SYNE1: variants seen among roughly 807,000 people sequenced by gnomAD.
SYNE1 encodes the protein nesprin-1.
In SYNE1, 616 loss-of-function variants were observed where a neutral mutation model predicts 1,111.0. The ratio of observed to expected loss-of-function variants is 0.55; its 90% CI spans 0.52 to 0.59. The LOEUF (loss-of-function observed/expected upper bound fraction) is 0.59. Ranked by LOEUF, SYNE1 falls within the 20% of genes least tolerant of loss-of-function variation. The pLI, the probability that SYNE1 is intolerant of heterozygous loss-of-function variation, is 0.00. For missense variants in SYNE1, 10,006 were observed against 10,417.0 expected (o/e 0.96, Z 1.72); for synonymous variants, 3,855 against 3,825.8 (o/e 1.01, Z -0.28).
chr6:152,393,248 GTTT>G (rs1219871746), intron 51 of SYNE1, among the ~76,000 whole-genome samples: 2 of 152,150 alleles, frequency 1.3e-5, no homozygotes, highest in African/African-American at 4.8e-5. Context: ...CTCTAACGCA[GTTT>G]TGGTGTAATG....
chr6:152,143,655 C>T lies in SYNE1; in HGVS notation c.25087G>A (p.Gly8363Arg). The T allele has an allele frequency of 1.9e-6, 3 of 1,614,100 alleles. No individual in the cohort carries two copies. Among genetic ancestry groups the T allele is most frequent in the Non-Finnish European group, 2.5e-6 (3 of 1,180,030 alleles). The change falls in exon 138 of 146, where the codon GGG (glycine) becomes AGG (arginine). Residue 8363 changes from glycine to arginine, a missense_variant. Gly to Arg is a moderately radical substitution (Grantham distance 125). Coordinates refer to ENST00000367255, the MANE Select transcript of SYNE1 (RefSeq NM_182961.4). ...TTGTAGCTGGTGTCTAGCTCCGGCC[C>T]CGTGGGAGTTTTGCTGCGAATGATA... ...ENIIRSKTPT[G>R]PELDTSYKGY...
Position 152,244,755 on chromosome 6 carries a change from T to C in SYNE1, c.19573-99A>G. The C allele has an allele frequency of 3.4e-6, 5 of 1,459,522 alleles. No individual in the cohort carries two copies. The South Asian group carries it at 5.7e-5, about 17-fold the overall frequency. 90.4% of individuals were successfully genotyped at this position (1,459,522 alleles called of 1,614,324 possible). On this transcript the variant is annotated intron_variant, in intron 105 of 145. Coordinates refer to ENST00000367255, the MANE Select transcript of SYNE1 (RefSeq NM_182961.4). ...TCTTTCTGTGTTCCTCCTCTCCATG[T>C]AAAACATTCTCAATATATACAAAAG...
intron 91 of SYNE1, among the ~76,000 whole-genome samples, chr6:152,306,490 A>ATAAATAAC (rs1482050816): frequency 1.9e-5 from 1 of 53,814 alleles, no homozygotes; most frequent in Non-Finnish European, 3.9e-5. Context: ...CATCTAAAAA[A>ATAAATAAC]TAAATAAATA....
intron 3 of SYNE1, among the ~76,000 whole-genome samples, chr6:152,550,283 G>A (rs969413186): frequency 1.6e-4 from 24 of 152,014 alleles, no homozygotes; most frequent in African/African-American, 5.8e-4. Context: ...GGTATAAGTG[G>A]GAGAGGGTGG....
chr6:152,127,881 T>A (rs2054064687), intron 145 of SYNE1: 2 of 152,236 alleles, frequency 1.3e-5, no homozygotes, highest in Admixed American at 1.3e-4. Context: ...GAATACATTT[T>A]TAAATGAGGG....
intron 42 of SYNE1, 86 bp downstream of exon 42, chr6:152,413,266 A>G (rs2098098528): frequency 7.4e-7 from 1 of 1,359,288 alleles, no homozygotes; most frequent in Non-Finnish European, 1.1e-6. Flanking sequence ...TTAACTACTG[A>G]TCACATCAAC....
chr6:152,587,218 C>G (rs773574384), intron 3 of SYNE1, among the ~76,000 whole-genome samples: 5 of 152,036 alleles, frequency 3.3e-5, no homozygotes, highest in Non-Finnish European at 7.4e-5. Flanking sequence ...TCAAGTTTAC[C>G]AATGTTGAAT....
At chr6:152,257,219 GT>G (rs1408962968) in intron 101 of SYNE1, among the ~76,000 whole-genome samples, 1 of 152,126 alleles carries the variant, frequency 6.6e-6, no homozygotes, top group African/African-American at 2.4e-5. Flanking sequence ...CCAGAAATAT[GT>G]ACAAATATTA....
intron 133 of SYNE1, 23 bp from the exon 134 acceptor site, chr6:152,152,164 C>G: frequency 6.2e-7 from 1 of 1,611,886 alleles, no homozygotes; most frequent in Non-Finnish European, 8.5e-7. Context: ...AGAAGCATAT[C>G]AGTGTGAGAA....
chr6:152,480,871 C>G (rs2098889760), intron 14 of SYNE1: 1 of 446,614 alleles, frequency 2.2e-6, no homozygotes, highest in Non-Finnish European at 4.5e-6. Flanking sequence ...TCTCCCTGAT[C>G]CACTTCATTT....
At chr6:152,594,629 A>C (rs1044823095) in intron 3 of SYNE1, among the ~76,000 whole-genome samples, 1 of 152,174 alleles carries the variant, frequency 6.6e-6, no homozygotes, top group Non-Finnish European at 1.5e-5. Flanking sequence ...ATTTATCGTA[A>C]ACTATCTAAA....
chr6:152,304,610 C>T (rs2153820690), intron 91 of SYNE1, among the ~76,000 whole-genome samples: 2 of 152,300 alleles, frequency 1.3e-5, no homozygotes, highest in South Asian at 4.1e-4. Context: ...AGGCGTGAGC[C>T]ACCATGCCCG....
At position 152,310,824 on chromosome 6, in the gene SYNE1, G is replaced by T. The variant is rs2095524276; in HGVS notation, c.16760C>A (p.Thr5587Asn). ...GCTAGTGAGGTACTGTAATTTCTCA[G>T]TCATTGCTTCCAGCTCACTGTCAAT... ...KEIDSELEAM[T>N]EKLQYLTSVY... The change falls in exon 88 of 146, where the codon ACT (threonine) becomes AAT (asparagine). Residue 5587 changes from threonine (T) to asparagine (N), a missense_variant. Transcript: ENST00000367255. 6.2e-7 allele frequency: 1 copy of T among 1,613,990 alleles called. No homozygotes were observed.
chr6:152,546,896 T>G (rs1431850539), intron 3 of SYNE1: 2 of 152,140 alleles, frequency 1.3e-5, no homozygotes, highest in Non-Finnish European at 2.9e-5. Context: ...AAATAACCAT[T>G]TTTCCTTTAG....
intron 64 of SYNE1, among the ~76,000 whole-genome samples, chr6:152,360,486 T>G (rs978876424): frequency 6.6e-6 from 1 of 152,228 alleles, no homozygotes; most frequent in African/African-American, 2.4e-5. Flanking sequence ...CCCTCTCCCT[T>G]GGCCTCAAAC....
intron 56 of SYNE1, among the ~76,000 whole-genome samples, chr6:152,380,370 G>A (rs1339438587): frequency 1.3e-5 from 2 of 151,642 alleles, no homozygotes; most frequent in Non-Finnish European, 2.9e-5. Flanking sequence ...CGAAGAAGAG[G>A]TTACACTCTT....
chr6:152,255,535 A>G, intron 103 of SYNE1, 56 bp downstream of exon 103: 1 of 1,589,760 alleles, frequency 6.3e-7, no homozygotes, highest in Non-Finnish European at 8.6e-7. Context: ...TATCCCATCA[A>G]AATGTCAAGT....
chr6:152,488,555 T>A, intron 11 of SYNE1, 52 bp from the exon 12 acceptor site: 1 of 969,410 alleles, frequency 1.0e-6, no homozygotes, highest in Non-Finnish European at 1.6e-6. Context: ...ATTTATTTAA[T>A]TGCTGATTAA....
At chr6:152,188,134 C>T (rs539235835) in intron 128 of SYNE1, among the ~76,000 whole-genome samples, 7 of 152,098 alleles carry the variant, frequency 4.6e-5, no homozygotes, top group African/African-American at 9.7e-5. Context: ...TTAAACTTGA[C>T]GATAGGGACA....
Sources: gnomAD v4.1 joint callset for allele counts (sites outside exome capture counted in the v4.1 genomes callset) on GRCh38, gnomAD v4.1.1 for gene constraint, MANE v1.5 for transcripts, NCBI Gene and HGNC (gene_info 2026-07-23, HGNC 2026-07-21) for gene names.